CYP7B1: variants seen among roughly 807,000 people sequenced by gnomAD.
CYP7B1 encodes cytochrome P450 7B1.
A neutral mutation model predicts 42.7 loss-of-function variants in CYP7B1; 29 were observed. The ratio of observed to expected loss-of-function variants is 0.68; its 90% CI spans 0.51 to 0.93. The LOEUF (loss-of-function observed/expected upper bound fraction) is 0.93, where lower values mean the gene tolerates loss of function less well. CYP7B1 is among the 40% of genes least tolerant of loss of function. CYP7B1 has a pLI of 0.00. For missense variants in CYP7B1, 655 were observed against 600.5 expected, an observed-to-expected ratio of 1.09 and a Z score of -0.95; for synonymous variants, 235 against 218.2, an observed-to-expected ratio of 1.08 and a Z score of -0.68.
chr8:64,716,594 C>T (rs536119286), intron 1 of CYP7B1, among the ~76,000 whole-genome samples: 5 of 152,222 alleles, frequency 3.3e-5, no homozygotes, highest in Admixed American at 2.6e-4. Context: ...GTAATCACAG[C>T]TACTCAGGAG....
chr8:64,643,087 G>A (rs73689563), intron 1 of CYP7B1, among the ~76,000 whole-genome samples: 306 of 21,064 alleles, frequency 0.015, 3 homozygotes, highest in African/African-American at 0.052. Context: ...GTGTGTGTGT[G>A]TATATATATA....
At position 64,644,731 on chromosome 8, in the gene CYP7B1, G is replaced by A. The variant is rs527392748; in HGVS notation, c.123-20192C>T. On this transcript the variant is annotated intron_variant, in intron 1 of 5. Transcript: ENST00000310193. ...TCTGGGCTACATCATTTCATTTATC[G>A]TGCACATGTAGAGTAGATTTCCACA... Among the ~76,000 whole-genome samples the A allele has an allele frequency of 7.2e-5, 11 of 152,090 alleles. No individual in the cohort carries two copies. In the South Asian group the frequency reaches 1.5e-3, roughly 20 times the overall value.
chr8:64,589,494 T>A (rs971121219), downstream of CYP7B1, among the ~76,000 whole-genome samples: 2 of 152,200 alleles, frequency 1.3e-5, no homozygotes, highest in Admixed American at 1.3e-4. Flanking sequence ...CCATTTGACG[T>A]AGAAAACAAA....
chr8:64,787,608 A>C (rs1804548362), intron 1 of CYP7B1, among the ~76,000 whole-genome samples: 1 of 152,178 alleles, frequency 6.6e-6, no homozygotes, highest in South Asian at 2.1e-4. Context: ...AAGAAGTTCC[A>C]AACTTTCCCA....
intron 1 of CYP7B1, among the ~76,000 whole-genome samples, chr8:64,641,845 A>G (rs1227227494): frequency 6.6e-6 from 1 of 151,622 alleles, no homozygotes; most frequent in Admixed American, 6.6e-5. Context: ...TGCCACAAGT[A>G]AAAAAAAACA....
intron 2 of CYP7B1, among the ~76,000 whole-genome samples, chr8:64,623,872 C>T (rs1696781045): frequency 6.6e-6 from 1 of 151,974 alleles, no homozygotes; most frequent in African/African-American, 2.4e-5. Context: ...TGTGAAAACC[C>T]AACGAACTAC....
At chr8:64,747,019 A>G (rs1221972928) in intron 1 of CYP7B1, among the ~76,000 whole-genome samples, 2 of 151,448 alleles carry the variant, frequency 1.3e-5, no homozygotes, top group African/African-American at 4.8e-5. Context: ...ACTATTATGG[A>G]GTAATATAAG....
intron 1 of CYP7B1, among the ~76,000 whole-genome samples, chr8:64,644,470 T>A (rs1805917282): frequency 1.3e-5 from 2 of 152,286 alleles, no homozygotes; most frequent in Admixed American, 1.3e-4. Flanking sequence ...GGAAATGTAT[T>A]TCTTAAATAA....
intron 1 of CYP7B1, among the ~76,000 whole-genome samples, chr8:64,694,770 G>A (rs2129632291): frequency 6.6e-6 from 1 of 152,298 alleles, no homozygotes; most frequent in Non-Finnish European, 1.5e-5. Context: ...CGTGTAGTTT[G>A]AGAAGCACTA....
chr8:64,737,230 G>A (rs1047427302), intron 1 of CYP7B1, among the ~76,000 whole-genome samples: 7 of 152,138 alleles, frequency 4.6e-5, no homozygotes, highest in African/African-American at 1.7e-4. Context: ...AGCCTCCCGA[G>A]TAATTGGAAC....
intron 1 of CYP7B1, among the ~76,000 whole-genome samples, chr8:64,726,984 T>C (rs1361782863): frequency 1.3e-5 from 2 of 152,116 alleles, no homozygotes; most frequent in Non-Finnish European, 2.9e-5. Flanking sequence ...GAGACTATCA[T>C]CCAATGAGTA....
At chr8:64,763,454 G>A (rs906632080) in intron 1 of CYP7B1, among the ~76,000 whole-genome samples, 5 of 152,188 alleles carry the variant, frequency 3.3e-5, no homozygotes, top group African/African-American at 1.2e-4. Context: ...AAGACCCACT[G>A]GTAACATTTG....
chr8:64,706,201 C>G (rs533311014), intron 1 of CYP7B1, among the ~76,000 whole-genome samples: 2 of 152,090 alleles, frequency 1.3e-5, no homozygotes, highest in Middle Eastern at 3.4e-3. Context: ...AAGGATACCT[C>G]TAAACTTGAT....
At chr8:64,661,060 G>T (rs1461843242) in intron 1 of CYP7B1, among the ~76,000 whole-genome samples, 3 of 152,200 alleles carry the variant, frequency 2.0e-5, no homozygotes, top group Non-Finnish European at 4.4e-5. Flanking sequence ...AAATGTGAAA[G>T]AAGATGTATA....
intron 1 of CYP7B1, among the ~76,000 whole-genome samples, chr8:64,773,351 A>T (rs1357647057): frequency 6.6e-6 from 1 of 152,222 alleles, no homozygotes; most frequent in Admixed American, 6.5e-5. Context: ...GCTGCAAACT[A>T]TTCCCAGGCT....
intron 1 of CYP7B1, among the ~76,000 whole-genome samples, chr8:64,739,934 A>G (rs750254986): frequency 6.6e-6 from 1 of 152,176 alleles, no homozygotes; most frequent in South Asian, 2.1e-4. Flanking sequence ...ATTATCCTTC[A>G]AAACTGAAAG....
chr8:64,610,125 A>G (rs979687831), intron 4 of CYP7B1, among the ~76,000 whole-genome samples: 2 of 152,208 alleles, frequency 1.3e-5, no homozygotes, highest in African/African-American at 4.8e-5. Context: ...ATCTAAATAC[A>G]ATAATTTGCA....
At chr8:64,724,969 G>A (rs1049776307) in intron 1 of CYP7B1, among the ~76,000 whole-genome samples, 10 of 152,182 alleles carry the variant, frequency 6.6e-5, no homozygotes, top group African/African-American at 2.4e-4. Flanking sequence ...AACCTTGTCC[G>A]ATAGTACGTC....
At chr8:64,676,788 T>C (rs1358879585) in intron 1 of CYP7B1, among the ~76,000 whole-genome samples, 1 of 152,120 alleles carries the variant, frequency 6.6e-6, no homozygotes, top group Non-Finnish European at 1.5e-5. Context: ...GTTCACGGCA[T>C]TAAAACACTG....
Sources: allele counts gnomAD v4.1 joint callset (sites outside exome capture counted in the v4.1 genomes callset), GRCh38; gene constraint gnomAD v4.1.1; transcripts MANE v1.5; gene names NCBI Gene and HGNC (gene_info 2026-07-23, HGNC 2026-07-21).